The following ITGA8 variants were observed in gnomAD, a reference collection of about 807,000 sequenced individuals.
ITGA8 encodes integrin alpha-8.
ITGA8 carries 91 observed loss-of-function variants against 142.3 expected under a neutral mutation model. The ratio of observed to expected loss-of-function variants is 0.64; its 90% CI spans 0.54 to 0.76. The LOEUF is 0.76. Ranked by LOEUF, ITGA8 falls within the 30% of genes least tolerant of loss-of-function variation. ITGA8 has a pLI of 0.00. For missense variants in ITGA8, 1,406 were observed against 1,327.7 expected, an observed-to-expected ratio of 1.06 and a Z score of -0.92; for synonymous variants, 505 against 485.2, an observed-to-expected ratio of 1.04 and a Z score of -0.54.
intron 27 of ITGA8, among the ~76,000 whole-genome samples, chr10:15,538,511 C>G (rs1466775435): frequency 3.0e-5 from 1 of 33,540 alleles, no homozygotes; most frequent in African/African-American, 9.4e-5. Context: ...GACTCCGTCT[C>G]GAAAAAAAAA....
At chr10:15,716,234 A>G (rs1835448883) in intron 2 of ITGA8, among the ~76,000 whole-genome samples, 1 of 152,026 alleles carries the variant, frequency 6.6e-6, no homozygotes, top group African/African-American at 2.4e-5. Flanking sequence ...ACTTTGTTCC[A>G]TTTGTGAATT....
intron 2 of ITGA8, among the ~76,000 whole-genome samples, chr10:15,716,547 T>A (rs572712175): frequency 6.6e-6 from 1 of 152,342 alleles, no homozygotes; most frequent in African/African-American, 2.4e-5. Flanking sequence ...AAGGGTTAAA[T>A]GCATTCCTGT....
chr10:15,528,241 G>T (rs867921364), intron 28 of ITGA8, among the ~76,000 whole-genome samples: 1 of 151,952 alleles, frequency 6.6e-6, no homozygotes, highest in Non-Finnish European at 1.5e-5. Flanking sequence ...GGCCCTGCTG[G>T]GCTCCCTTCA....
intron 2 of ITGA8, among the ~76,000 whole-genome samples, chr10:15,699,879 T>C (rs1376948372): frequency 6.6e-6 from 1 of 152,220 alleles, no homozygotes; most frequent in Admixed American, 6.5e-5. Context: ...GTACCTCATT[T>C]TGTTTTCATT....
At position 15,517,035 on chromosome 10, in the gene ITGA8, G is replaced by GAT; in HGVS notation, c.*122_*123insAT. 1 of 495,868 alleles carries GAT rather than the reference G, an allele frequency of 2.0e-6. No individual in the cohort carries two copies. Among genetic ancestry groups the GAT allele is most frequent in the Non-Finnish European group, 3.3e-6 (1 of 302,940 alleles). 30.7% of individuals were successfully genotyped at this position (495,868 alleles called of 1,614,324 possible). On this transcript the variant is annotated 3_prime_UTR_variant, in exon 30 of 30. Coordinates refer to ENST00000378076, the MANE Select transcript of ITGA8 (RefSeq NM_003638.3). ...GTGTAGATGAGGTGATGTTTCCAGGGTCCCCTCCATTTCCTGGGTCACTGT... is the reference window on the plus strand; with the variant it reads ...GTGTAGATGAGGTGATGTTTCCAGGGATTCCCCTCCATTTCCTGGGTCACTGT...
chr10:15,672,732 T>C lies in ITGA8; in HGVS notation c.694A>G (p.Ser232Gly), dbSNP rs761221836. ...TAATTTGCAATGATATCTGCAACAC[T>C]GGCAGTGATCACTTGTCCTGTGTTT... ...FYWQGQVITA[S>G]VADIIANYSF... Residue 232 changes from serine to glycine, a missense_variant, in exon 7 of 30, where the codon AGT becomes GGT. By Grantham distance (56) the Ser-to-Gly change is moderately conservative. Coordinates refer to ENST00000378076, the MANE Select transcript of ITGA8 (RefSeq NM_003638.3). 4.3e-6 allele frequency: 7 copies of C among 1,610,080 alleles called. No individual in the cohort carries two copies. In the South Asian group the frequency reaches 6.6e-5, roughly 15 times the overall value.
chr10:15,687,845 T>C, intron 3 of ITGA8, 93 bp downstream of exon 3: 1 of 782,658 alleles, frequency 1.3e-6, no homozygotes, highest in Non-Finnish European at 2.3e-6. Flanking sequence ...AACATGTTCC[T>C]TTAGGAAAGA....
Position 15,572,205 on chromosome 10 carries a change from T to C in ITGA8, c.2637+6A>G. On this transcript the variant is annotated splice_donor_region_variant and intron_variant, in intron 25 of 29. Coordinates refer to ENST00000378076, the MANE Select transcript of ITGA8 (RefSeq NM_003638.3). The stretch of plus-strand genomic sequence containing the variant: ...AACAAAGCCACTGATTAGACCAGAC[T>C]CCTACCTTTATATCCTGTGGATTGA... 1 of 1,610,392 alleles carries C rather than the reference T, an allele frequency of 6.2e-7. No homozygotes were observed. Among genetic ancestry groups the C allele is most frequent in the Non-Finnish European group, 8.5e-7 (1 of 1,177,786 alleles).
chr10:15,580,406 C>T (rs1834387352), intron 23 of ITGA8, among the ~76,000 whole-genome samples: 1 of 152,022 alleles, frequency 6.6e-6, no homozygotes, highest in Non-Finnish European at 1.5e-5. Context: ...AAAAAATCCC[C>T]ACAAAACCCT....
chr10:15,550,843 GAGA>G (rs1833781904), intron 26 of ITGA8, among the ~76,000 whole-genome samples: 1 of 151,974 alleles, frequency 6.6e-6, no homozygotes. Flanking sequence ...TGAGAGGAAA[GAGA>G]AGAGAGAGGG....
intron 5 of ITGA8, 74 bp from the exon 6 acceptor site, chr10:15,677,711 G>C: frequency 6.9e-7 from 1 of 1,438,994 alleles, no homozygotes. Context: ...GTGATAAATT[G>C]TTGTTAATAA....
At chr10:15,697,059 A>ACACACACACG (rs1380611137) in intron 2 of ITGA8, among the ~76,000 whole-genome samples, 3 of 151,536 alleles carry the variant, frequency 2.0e-5, no homozygotes, top group Non-Finnish European at 2.9e-5. Flanking sequence ...ACACACACAC[A>ACACACACACG]CACACACAAG....
intron 2 of ITGA8, among the ~76,000 whole-genome samples, chr10:15,695,105 C>T (rs1430211822): frequency 6.6e-6 from 1 of 152,030 alleles, no homozygotes; most frequent in East Asian, 1.9e-4. Context: ...TCCTTTCTGC[C>T]ATTATAGGAT....
At chr10:15,624,337 C>A (rs1204889719) in intron 13 of ITGA8, among the ~76,000 whole-genome samples, 1 of 152,204 alleles carries the variant, frequency 6.6e-6, no homozygotes, top group Non-Finnish European at 1.5e-5. Flanking sequence ...ACAAGTCAAT[C>A]TTCATTGCTG....
At chr10:15,629,466 T>A (rs1833645799) in intron 13 of ITGA8, among the ~76,000 whole-genome samples, 2 of 152,048 alleles carry the variant, frequency 1.3e-5, no homozygotes, top group Non-Finnish European at 2.9e-5. Context: ...GCTCCCTGCA[T>A]TTTTCCTCTG....
At chr10:15,627,873 C>G (rs548334199) in intron 13 of ITGA8, among the ~76,000 whole-genome samples, 1 of 151,094 alleles carries the variant, frequency 6.6e-6, no homozygotes, top group African/African-American at 2.5e-5. Context: ...GATGGGAGGT[C>G]AGCACAAGAT....
At chr10:15,620,887 G>A (rs1833478992) in intron 13 of ITGA8, among the ~76,000 whole-genome samples, 1 of 152,172 alleles carries the variant, frequency 6.6e-6, no homozygotes, top group Non-Finnish European at 1.5e-5. Context: ...GTATATTTAT[G>A]TGTGCATGTG....
At chr10:15,551,981 C>T (rs1833799950) in intron 26 of ITGA8, among the ~76,000 whole-genome samples, 1 of 151,832 alleles carries the variant, frequency 6.6e-6, no homozygotes, top group Non-Finnish European at 1.5e-5. Context: ...CTTACATCAA[C>T]ATTTAAAGAG....
chr10:15,661,218 C>T (rs1035306257), intron 8 of ITGA8, among the ~76,000 whole-genome samples: 4 of 152,164 alleles, frequency 2.6e-5, no homozygotes, highest in Admixed American at 6.5e-5. Context: ...GTCTGATCAG[C>T]GGTGGCATTA....
Sources: gnomAD v4.1 joint callset for allele counts (sites outside exome capture counted in the v4.1 genomes callset) on GRCh38, gnomAD v4.1.1 for gene constraint, MANE v1.5 for transcripts, NCBI Gene and HGNC (gene_info 2026-07-23, HGNC 2026-07-21) for gene names.